Variants in PARD3B observed in about 807,000 individuals in gnomAD.
PARD3B encodes the protein par-3 family cell polarity regulator beta.
Under a neutral mutation model 130.2 loss-of-function variants are expected in PARD3B, and 103 were observed. The ratio of observed to expected loss-of-function variants is 0.79; its 90% confidence interval spans 0.67 to 0.93. The LOEUF (loss-of-function observed/expected upper bound fraction) is 0.93, where lower values mean the gene tolerates loss of function less well. Ranked by LOEUF, PARD3B falls within the 40% of genes least tolerant of loss-of-function variation. The pLI, the probability that PARD3B is intolerant of heterozygous loss-of-function variation, is 0.00. For missense variants in PARD3B, 1,609 were observed against 1,499.2 expected (o/e 1.07, Z -1.21); for synonymous variants, 583 against 553.2 (o/e 1.05, Z -0.76).
chr2:204,996,550 C>T (rs1362898019), intron 3 of PARD3B, among the ~76,000 whole-genome samples: 1 of 151,654 alleles, frequency 6.6e-6, no homozygotes, highest in African/African-American at 2.4e-5. Flanking sequence ...CTGTGCCCTG[C>T]CCCCAGAGGT....
At chr2:204,844,428 T>C (rs1221798928) in intron 2 of PARD3B, among the ~76,000 whole-genome samples, 1 of 152,188 alleles carries the variant, frequency 6.6e-6, no homozygotes, top group African/African-American at 2.4e-5. Context: ...TTTTAAGTTA[T>C]AATATTTTAA....
At chr2:205,052,627 A>G (rs991177132) in intron 4 of PARD3B, among the ~76,000 whole-genome samples, 14 of 151,496 alleles carry the variant, frequency 9.2e-5, no homozygotes, top group Non-Finnish European at 1.8e-4. Flanking sequence ...AAAATCAACC[A>G]CTGTTTGGGG....
At chr2:205,155,072 AC>A (rs2034028305) in intron 10 of PARD3B, among the ~76,000 whole-genome samples, 2 of 147,412 alleles carry the variant, frequency 1.4e-5, no homozygotes, top group Non-Finnish European at 3.0e-5. Flanking sequence ...AAAAAAAAAA[AC>A]AAATTTAGGT....
At chr2:204,726,463 T>G (rs2039231494) in intron 2 of PARD3B, among the ~76,000 whole-genome samples, 1 of 152,144 alleles carries the variant, frequency 6.6e-6, no homozygotes. Context: ...TTTTACTGTT[T>G]TATCATCTAC....
At chr2:204,789,057 AT>A (rs1461736126) in intron 2 of PARD3B, among the ~76,000 whole-genome samples, 2 of 151,972 alleles carry the variant, frequency 1.3e-5, no homozygotes, top group African/African-American at 4.8e-5. Flanking sequence ...TTTTATTACT[AT>A]TGCTATTATT....
At position 205,617,796 on chromosome 2, in the gene PARD3B, G is replaced by A. The variant is rs1178721725; in HGVS notation, c.*1983G>A. 6.6e-6 allele frequency: 1 copy of A among 152,144 alleles called. No individual in the cohort carries two copies. Among genetic ancestry groups the A allele is most frequent in the Non-Finnish European group, 1.5e-5 (1 of 68,038 alleles). The allele number at this position is 152,144 out of a possible 1,614,324, so 9.4% of individuals were successfully genotyped here. ...CCCCTCGAGTTGAATACACCTTAAG[G>A]AAAATGATAACACGAGGGACGTGTA... On this transcript the variant is annotated 3_prime_UTR_variant, in exon 23 of 23. Transcript: ENST00000406610.
chr2:205,267,987 C>A (rs984004767), intron 16 of PARD3B, among the ~76,000 whole-genome samples: 5 of 152,152 alleles, frequency 3.3e-5, no homozygotes, highest in Admixed American at 6.6e-5. Context: ...TTTTATATGG[C>A]ACCAACTCTA....
chr2:204,963,717 C>A (rs1423934510), intron 2 of PARD3B, among the ~76,000 whole-genome samples: 2 of 152,020 alleles, frequency 1.3e-5, no homozygotes, highest in Non-Finnish European at 2.9e-5. Flanking sequence ...CTAGAATAAT[C>A]TTTCATTATT....
intron 18 of PARD3B, among the ~76,000 whole-genome samples, chr2:205,369,589 G>A (rs1209663857): frequency 6.6e-6 from 1 of 152,166 alleles, no homozygotes; most frequent in Non-Finnish European, 1.5e-5. Flanking sequence ...GAACTATCCT[G>A]TAAAAATAGA....
chr2:204,558,751 A>G (rs940614710), intron 1 of PARD3B, among the ~76,000 whole-genome samples: 1 of 152,258 alleles, frequency 6.6e-6, no homozygotes, highest in Non-Finnish European at 1.5e-5. Flanking sequence ...CTAAGCATAA[A>G]GAACAAAGCT....
chr2:205,231,700 A>G (rs2038846126), intron 15 of PARD3B, among the ~76,000 whole-genome samples: 1 of 152,170 alleles, frequency 6.6e-6, no homozygotes, highest in Non-Finnish European at 1.5e-5. Flanking sequence ...TTGATGTAAA[A>G]TTAATATCAC....
chr2:205,329,744 A>G (rs894855662), intron 18 of PARD3B, among the ~76,000 whole-genome samples: 5 of 152,178 alleles, frequency 3.3e-5, no homozygotes, highest in East Asian at 1.9e-4. Flanking sequence ...TAATCCTAGC[A>G]TTGTGGGAGG....
chr2:204,632,404 C>A (rs767073345), intron 1 of PARD3B, among the ~76,000 whole-genome samples: 1 of 152,106 alleles, frequency 6.6e-6, no homozygotes, highest in Non-Finnish European at 1.5e-5. Flanking sequence ...AGTGTTCTTG[C>A]GCTGATTCTT....
In PARD3B at chr2:205,229,949, G is replaced by T. The variant is rs1254777251; in HGVS notation, c.2141-15829G>T. Among the ~76,000 whole-genome samples the T allele has an allele frequency of 6.6e-6, 1 of 151,890 alleles. No homozygotes were observed. The highest frequency in any genetic ancestry group is 2.4e-5 in the African/African-American group (1 of 41,334). On this transcript the variant is annotated intron_variant, in intron 15 of 22. Coordinates refer to ENST00000406610, the MANE Select transcript of PARD3B (RefSeq NM_001302769.2). This position sits in a 1 kb window ranked among gnomAD's most constrained non-coding sequence, Gnocchi z 5.2. ...CACCACCACGTCCATGGCAAGTACT[G>T]CCTGTCTACCACTGATGCTCATTCC...
chr2:204,567,560 G>A lies in PARD3B; in HGVS notation c.120+21441G>A, dbSNP rs569809753. On this transcript the variant is annotated intron_variant, in intron 1 of 22. Transcript: ENST00000406610. ...TTTCAGAATTTCCTTCCTTATCAAG[G>A]TTAAAGAATATTTCTTTGTATGTAT... Among the ~76,000 whole-genome samples the A allele has an allele frequency of 3.9e-5, 6 of 152,252 alleles. No individual in the cohort carries two copies. In the East Asian group the frequency reaches 1.2e-3, roughly 29 times the overall value.
intron 4 of PARD3B, among the ~76,000 whole-genome samples, chr2:205,103,946 T>C (rs1218613773): frequency 6.6e-6 from 1 of 152,220 alleles, no homozygotes; most frequent in Non-Finnish European, 1.5e-5. Flanking sequence ...CTGGATTTCT[T>C]CTTCCTGCAG....
At position 205,256,385 on chromosome 2, in the gene PARD3B, A is replaced by C. The variant is rs555599587; in HGVS notation, c.2185+10563A>C. The stretch of plus-strand genomic sequence containing the variant: ...AGGCTCTTTGCCAACTGCTACAAAT[A>C]CAAAGTGGTATAGAATATGGATTCT... On this transcript the variant is annotated intron_variant, in intron 16 of 22. Coordinates refer to ENST00000406610, the MANE Select transcript of PARD3B (RefSeq NM_001302769.2). 6.2e-4 allele frequency among the ~76,000 whole-genome samples: 95 copies of C among 152,294 alleles called. 1 individual carries two copies. Among genetic ancestry groups the C allele is most frequent in the South Asian group, 1.9e-3 (9 of 4,828 alleles).
chr2:204,633,967 C>T (rs2034783583), intron 1 of PARD3B, among the ~76,000 whole-genome samples: 1 of 152,078 alleles, frequency 6.6e-6, no homozygotes, highest in Non-Finnish European at 1.5e-5. Flanking sequence ...CCTTCAGGCA[C>T]TTATCCATTG....
chr2:205,551,010 G>C (rs1237692534), intron 21 of PARD3B, among the ~76,000 whole-genome samples: 1 of 136,136 alleles, frequency 7.3e-6, no homozygotes, highest in Non-Finnish European at 1.6e-5. Context: ...CACATAATCT[G>C]TTCCTCGAGG....
Sources: gnomAD v4.1 joint callset for allele counts (sites outside exome capture counted in the v4.1 genomes callset) on GRCh38, gnomAD v4.1.1 for gene constraint, Gnocchi (gnomAD v3.1) non-coding constraint, MANE v1.5 for transcripts, NCBI Gene and HGNC (gene_info 2026-07-23, HGNC 2026-07-21) for gene names.